ZFHX3: variants seen among roughly 807,000 people sequenced by gnomAD.
ZFHX3 encodes zinc finger homeobox 3.
In ZFHX3, 42 loss-of-function variants were observed where a neutral mutation model predicts 279.1. The ratio of observed to expected loss-of-function variants is 0.15; its 90% confidence interval spans 0.12 to 0.19. The LOEUF (loss-of-function observed/expected upper bound fraction) is 0.19, where lower values mean the gene tolerates loss of function less well. Among genes scored for constraint, ZFHX3 ranks in the 10% least tolerant of loss-of-function variants. The pLI, the probability that ZFHX3 is intolerant of heterozygous loss-of-function variation, is 1.00. For missense variants in ZFHX3, 4,981 were observed against 4,754.0 expected (o/e 1.05, Z -1.40); for synonymous variants, 2,293 against 1,957.8 (o/e 1.17, Z -4.52).
chr16:73,146,932 A>G (rs996001619), intron 5 of ZFHX3, among the ~76,000 whole-genome samples: 2 of 152,208 alleles, frequency 1.3e-5, no homozygotes, highest in Non-Finnish European at 2.9e-5. Context: ...TGCTAGAATT[A>G]CAGACGTGAG....
At chr16:73,657,537 G>A (rs1304076213) in intron 2 of ZFHX3, among the ~76,000 whole-genome samples, 1 of 152,116 alleles carries the variant, frequency 6.6e-6, no homozygotes, top group Non-Finnish European at 1.5e-5. Context: ...CACAATCAAT[G>A]TTAGAACATT....
intron 1 of ZFHX3, among the ~76,000 whole-genome samples, chr16:73,703,747 A>T (rs989623793): frequency 1.3e-5 from 2 of 152,180 alleles, no homozygotes; most frequent in African/African-American, 4.8e-5. Context: ...GTGGACACAC[A>T]GGTAGATGGA....
At chr16:73,693,489 G>T (rs1362031113) in intron 1 of ZFHX3, among the ~76,000 whole-genome samples, 2 of 152,038 alleles carry the variant, frequency 1.3e-5, no homozygotes, top group Non-Finnish European at 2.9e-5. Flanking sequence ...TTCCCGGATA[G>T]CTCCCAGCAC....
intron 1 of ZFHX3, among the ~76,000 whole-genome samples, chr16:73,766,881 T>C (rs186921439): frequency 1.9e-4 from 29 of 152,106 alleles, no homozygotes; most frequent in Middle Eastern, 6.8e-3. Context: ...AGAGGACATT[T>C]ATGGTGTTAA....
At chr16:73,659,468 G>T (rs1342627005) in intron 2 of ZFHX3, among the ~76,000 whole-genome samples, 1 of 7,894 alleles carries the variant, frequency 1.3e-4, no homozygotes, top group Non-Finnish European at 2.7e-4. Flanking sequence ...CTCTCATGAA[G>T]AAAAACGAAG....
chr16:73,023,430 G>T (rs934326930), intron 1 of ZFHX3, among the ~76,000 whole-genome samples: 1 of 152,068 alleles, frequency 6.6e-6, no homozygotes, highest in Admixed American at 6.6e-5. Context: ...GGTAAGGGGC[G>T]GAGGGAGGAA....
chr16:72,940,636 CA>C (rs1321112214), intron 3 of ZFHX3, among the ~76,000 whole-genome samples: 2 of 152,182 alleles, frequency 1.3e-5, no homozygotes, highest in African/African-American at 4.8e-5. Context: ...AAGAGAGACT[CA>C]AAAGGAACAG....
intron 3 of ZFHX3, among the ~76,000 whole-genome samples, chr16:73,380,851 T>C (rs1254909282): frequency 6.6e-6 from 1 of 152,094 alleles, no homozygotes; most frequent in Non-Finnish European, 1.5e-5. Flanking sequence ...CAAGAGGAAC[T>C]TGGACCCAGA....
chr16:73,755,013 T>A (rs929931058), intron 1 of ZFHX3, among the ~76,000 whole-genome samples: 10 of 152,192 alleles, frequency 6.6e-5, no homozygotes, highest in African/African-American at 2.4e-4. Context: ...GCACCCTCCT[T>A]ACAAAGGAGA....
chr16:73,248,665 G>GTGTGCGCA (rs888285257), intron 5 of ZFHX3, among the ~76,000 whole-genome samples: 15 of 150,344 alleles, frequency 1.0e-4, no homozygotes, highest in African/African-American at 3.4e-4. Flanking sequence ...GTGTGTGTGT[G>GTGTGCGCA]CACGTGCACG....
At chr16:72,968,114 C>T (rs1041315005) in intron 1 of ZFHX3, among the ~76,000 whole-genome samples, 5 of 151,972 alleles carry the variant, frequency 3.3e-5, no homozygotes, top group African/African-American at 1.2e-4. Context: ...GGCAAACAGA[C>T]GTCATGTGCC....
intron 7 of ZFHX3, among the ~76,000 whole-genome samples, chr16:73,116,944 G>C (rs1460391768): frequency 6.6e-6 from 1 of 152,174 alleles, no homozygotes; most frequent in Non-Finnish European, 1.5e-5. Context: ...CTAAGCAAGG[G>C]GGATGCATGT....
intron 1 of ZFHX3, among the ~76,000 whole-genome samples, chr16:73,705,275 G>C (rs996083825): frequency 1.3e-5 from 2 of 152,260 alleles, no homozygotes; most frequent in African/African-American, 4.8e-5. Context: ...GCCAGTAAGA[G>C]CTGGCTCCAA....
chr16:73,822,764 C>T (rs1009088533), intron 1 of ZFHX3, among the ~76,000 whole-genome samples: 2 of 152,152 alleles, frequency 1.3e-5, no homozygotes, highest in African/African-American at 4.8e-5. Context: ...CTAACAGATG[C>T]CAGAAGAAGC....
At chr16:73,230,364 C>T (rs893538012) in intron 5 of ZFHX3, among the ~76,000 whole-genome samples, 4 of 152,122 alleles carry the variant, frequency 2.6e-5, no homozygotes, top group African/African-American at 7.2e-5. Context: ...GTTTTAGGAA[C>T]GTATGGACTG....
chr16:73,223,521 G>A (rs2012491927), intron 5 of ZFHX3, among the ~76,000 whole-genome samples: 1 of 152,106 alleles, frequency 6.6e-6, no homozygotes, highest in Non-Finnish European at 1.5e-5. Context: ...CAATTAGAAT[G>A]GCCAACATCC....
rs766865697 is a variant in ZFHX3, at chr16:72,785,527, CTTGT to C, written c.*1633_*1636del. 1 of 152,618 alleles carries C rather than the reference CTTGT, an allele frequency of 6.6e-6. No individual in the cohort carries two copies. Among genetic ancestry groups the C allele is most frequent in the African/African-American group, 2.4e-5 (1 of 41,432 alleles). 9.5% of individuals were successfully genotyped at this position (152,618 alleles called of 1,614,324 possible). ...TTCTCTTTCTTTTATTAAACTAAGT[CTTGT>C]TTGTTTAAATCAGAAACAAATTCTC... On this transcript the variant is annotated 3_prime_UTR_variant, in exon 10 of 10. Transcript: ENST00000268489.
At chr16:73,303,533 C>T (rs962161724) in intron 4 of ZFHX3, among the ~76,000 whole-genome samples, 8 of 152,086 alleles carry the variant, frequency 5.3e-5, no homozygotes, top group Admixed American at 4.6e-4. Context: ...ATGGAGCCAA[C>T]GGCCTCAATG....
intron 5 of ZFHX3, among the ~76,000 whole-genome samples, chr16:73,181,501 T>C (rs1967796246): frequency 6.6e-6 from 1 of 152,312 alleles, no homozygotes; most frequent in East Asian, 1.9e-4. Context: ...TATAGGTTTA[T>C]GTCTCATGAA....
Sources: gnomAD v4.1 joint callset for allele counts (sites outside exome capture counted in the v4.1 genomes callset) on GRCh38, gnomAD v4.1.1 for gene constraint, MANE v1.5 for transcripts, NCBI Gene and HGNC (gene_info 2026-07-23, HGNC 2026-07-21) for gene names.